The following DLGAP1 variants were observed in gnomAD, a reference collection of about 807,000 sequenced individuals.
DLGAP1 encodes disks large-associated protein 1.
Under a neutral mutation model 90.8 loss-of-function variants are expected in DLGAP1, and 11 were observed. That is an observed-to-expected ratio of 0.12 (90% CI 0.08 to 0.20). DLGAP1 has a LOEUF of 0.20. Among genes scored for constraint, DLGAP1 ranks in the 10% least tolerant of loss-of-function variants. DLGAP1 has a pLI of 1.00. For missense variants in DLGAP1, 1,050 were observed against 1,333.8 expected, an observed-to-expected ratio of 0.79 and a Z score of 3.31; for synonymous variants, 558 against 540.7, an observed-to-expected ratio of 1.03 and a Z score of -0.44.
chr18:4,436,498 C>T (rs2083401175), intron 1 of DLGAP1, among the ~76,000 whole-genome samples: 1 of 152,106 alleles, frequency 6.6e-6, no homozygotes, highest in Non-Finnish European at 1.5e-5. Context: ...CTTTGGGAAC[C>T]ACATTAGTCA....
chr18:3,811,144 G>T (rs1461543515), intron 5 of DLGAP1, among the ~76,000 whole-genome samples: 1 of 152,194 alleles, frequency 6.6e-6, no homozygotes, highest in Non-Finnish European at 1.5e-5. Flanking sequence ...ATTGTATGCA[G>T]TTGAAGATGA....
chr18:3,583,777 A>C (rs977760087), intron 7 of DLGAP1, among the ~76,000 whole-genome samples: 3 of 152,162 alleles, frequency 2.0e-5, no homozygotes, highest in African/African-American at 7.2e-5. Flanking sequence ...GTGAAACCTC[A>C]TCTGTACTAA....
At chr18:4,397,475 T>C (rs1323546783) in intron 1 of DLGAP1, among the ~76,000 whole-genome samples, 1 of 152,232 alleles carries the variant, frequency 6.6e-6, no homozygotes, top group East Asian at 1.9e-4. Context: ...CCTATGTTCA[T>C]CTTCTTTGAA....
At chr18:4,219,460 T>A (rs1188152079) in intron 1 of DLGAP1, among the ~76,000 whole-genome samples, 1 of 152,138 alleles carries the variant, frequency 6.6e-6, no homozygotes, top group Admixed American at 6.6e-5. Flanking sequence ...TCCTTTGCTC[T>A]GCAGAAGCTC....
chr18:4,423,906 C>A (rs2083096112), intron 1 of DLGAP1, among the ~76,000 whole-genome samples: 1 of 148,758 alleles, frequency 6.7e-6, no homozygotes, highest in African/African-American at 2.5e-5. Context: ...GTAATCCCAG[C>A]ACTTTGGGAG....
intron 3 of DLGAP1, among the ~76,000 whole-genome samples, chr18:3,993,568 C>T (rs909928400): frequency 6.6e-6 from 1 of 152,052 alleles, no homozygotes; most frequent in African/African-American, 2.4e-5. Context: ...AAAGTGACAA[C>T]GCGTTTTGCA....
At chr18:3,557,367 T>C (rs1272807040) in intron 9 of DLGAP1, among the ~76,000 whole-genome samples, 1 of 151,566 alleles carries the variant, frequency 6.6e-6, no homozygotes, top group African/African-American at 2.4e-5. Context: ...TAAAAAAATA[T>C]AAAAATTAGC....
chr18:3,562,632 C>T (rs1316274368), intron 9 of DLGAP1, among the ~76,000 whole-genome samples: 1 of 149,264 alleles, frequency 6.7e-6, no homozygotes, highest in Non-Finnish European at 1.5e-5. Flanking sequence ...GCAGCTTCCA[C>T]CTCCTGGGTT....
Position 3,879,809 on chromosome 18 carries a change from A to G in DLGAP1, c.260T>C (p.Leu87Pro). 6.2e-7 allele frequency: 1 copy of G among 1,607,890 alleles called. No homozygotes were observed. Among genetic ancestry groups the G allele is most frequent in the Non-Finnish European group, 8.5e-7 (1 of 1,179,894 alleles). The change falls in exon 4 of 13, where the codon CTG (leucine) becomes CCG (proline). Residue 87 changes from leucine (L) to proline (P), a missense_variant. Physicochemically the swap from Leu to Pro is moderately conservative, Grantham distance 98. Around this residue, in one of 2 missense-constraint regions of DLGAP1, gnomAD observed 485 missense variants for 454.1 expected, o/e 1.07. Coordinates refer to ENST00000315677, the MANE Select transcript of DLGAP1 (RefSeq NM_004746.4). The surrounding 1 kb of genome is among the most constrained non-coding windows in gnomAD (Gnocchi z 6.6). ...SQQELKDECA[L>P]VPRTLATKAN... is the part of the protein sequence containing the mutation. ...CTTGGTGGCCAGGGTGCGGGGCACC[A>G]GGGCACACTCGTCCTTCAGCTCTTG...
chr18:3,692,478 C>T (rs1169734750), intron 7 of DLGAP1, among the ~76,000 whole-genome samples: 1 of 152,160 alleles, frequency 6.6e-6, no homozygotes, highest in Non-Finnish European at 1.5e-5. Flanking sequence ...ACACAATGGC[C>T]TACCTTCACT....
At chr18:4,367,810 C>G (rs1418182989) in intron 1 of DLGAP1, among the ~76,000 whole-genome samples, 1 of 151,896 alleles carries the variant, frequency 6.6e-6, no homozygotes, top group Non-Finnish European at 1.5e-5. Flanking sequence ...GACTGTGCCA[C>G]TGCACTCCAG....
intron 1 of DLGAP1, among the ~76,000 whole-genome samples, chr18:4,343,452 T>C (rs72862185): frequency 0.28 from 42,424 of 152,078 alleles, 6,885 homozygotes; most frequent in Non-Finnish European, 0.36. Flanking sequence ...ATTTATTTTA[T>C]AAAGTTTAAG....
At chr18:3,925,763 A>G (rs1468217725) in intron 3 of DLGAP1, among the ~76,000 whole-genome samples, 2 of 152,242 alleles carry the variant, frequency 1.3e-5, no homozygotes, top group Non-Finnish European at 2.9e-5. Context: ...CATTCAGGAA[A>G]GAACTCAAAA....
At chr18:4,301,281 A>G (rs890273935) in intron 1 of DLGAP1, among the ~76,000 whole-genome samples, 4 of 151,980 alleles carry the variant, frequency 2.6e-5, no homozygotes, top group Admixed American at 6.6e-5. Context: ...TTTGACCACC[A>G]TTTCCCCATT....
chr18:4,444,097 G>C (rs1252121697), intron 1 of DLGAP1, among the ~76,000 whole-genome samples: 1 of 152,198 alleles, frequency 6.6e-6, no homozygotes, highest in Non-Finnish European at 1.5e-5. Flanking sequence ...CAGAGAAGGT[G>C]AATGCAATTG....
rs549803524 is a variant in DLGAP1 at position 4,042,849 on chromosome 18, G to A, written c.-158-37648C>T. On this transcript the variant is annotated intron_variant, in intron 2 of 12. Transcript: ENST00000315677. ...TAATAGTTTCCGTATTAAAACATCCGAGTTTCCCCAAAAGATCATCATTTT... is the reference window on the plus strand; with the variant it reads ...TAATAGTTTCCGTATTAAAACATCCAAGTTTCCCCAAAAGATCATCATTTT... Among the ~76,000 whole-genome samples, 7 of 152,046 alleles carry A rather than the reference G, an allele frequency of 4.6e-5. No individual in the cohort carries two copies. In the East Asian group the frequency reaches 5.8e-4, roughly 13 times the overall value.
chr18:4,251,540 G>A (rs948445815), intron 1 of DLGAP1, among the ~76,000 whole-genome samples: 18 of 152,188 alleles, frequency 1.2e-4, no homozygotes, highest in African/African-American at 4.1e-4. Context: ...TTTGACAGAT[G>A]AATAAGCAGA....
chr18:3,874,075 C>T (rs907738277), intron 4 of DLGAP1: 1 of 1,540,574 alleles, frequency 6.5e-7, no homozygotes, highest in African/African-American at 1.4e-5. Context: ...CTACCCCTTC[C>T]TTTCCCTACC....
intron 5 of DLGAP1, among the ~76,000 whole-genome samples, chr18:3,753,689 A>G (rs3902295): frequency 0.034 from 5,119 of 152,282 alleles, 202 homozygotes; most frequent in Middle Eastern, 0.088. Context: ...GGAAGTAAAT[A>G]CTAAGGCTGA....
Sources: gnomAD v4.1 joint callset for allele counts (sites outside exome capture counted in the v4.1 genomes callset) on GRCh38, gnomAD v4.1.1 for gene constraint, gnomAD v4.1.1 regional missense constraint, Gnocchi (gnomAD v3.1) non-coding constraint, MANE v1.5 for transcripts, NCBI Gene and HGNC (gene_info 2026-07-23, HGNC 2026-07-21) for gene names.